RANBP9: variants seen among roughly 807,000 people sequenced by gnomAD.
The protein encoded by RANBP9 is ran-binding protein 9.
In RANBP9, 15 loss-of-function variants were observed where a neutral mutation model predicts 84.3. The observed-to-expected ratio is 0.18, with a 90% CI of 0.12 to 0.27. The LOEUF (loss-of-function observed/expected upper bound fraction) is 0.27, where lower values mean the gene tolerates loss of function less well. RANBP9 is among the 10% of genes least tolerant of loss of function. The probability of loss-of-function intolerance (pLI) is 1.00; values close to 1 mark genes in which losing one functional copy is unlikely to be tolerated. For missense variants in RANBP9, 809 were observed against 912.8 expected (o/e 0.89, Z 1.46); for synonymous variants, 392 against 349.6 (o/e 1.12, Z -1.35).
chr6:13,700,264 C>T (rs995288285), intron 1 of RANBP9, among the ~76,000 whole-genome samples: 12 of 152,128 alleles, frequency 7.9e-5, no homozygotes, highest in African/African-American at 2.4e-4. Context: ...ATAAATCAGC[C>T]GTCCTTCTAT....
At chr6:13,650,885 G>A (rs1765281089) in intron 5 of RANBP9, among the ~76,000 whole-genome samples, 1 of 152,038 alleles carries the variant, frequency 6.6e-6, no homozygotes, top group African/African-American at 2.4e-5. Flanking sequence ...GATCCCTTGA[G>A]CCTGGGAAGC....
At chr6:13,686,199 G>A (rs369336634) in intron 2 of RANBP9, among the ~76,000 whole-genome samples, 1 of 142,880 alleles carries the variant, frequency 7.0e-6, no homozygotes, top group Non-Finnish European at 1.5e-5. Context: ...TGACCTCCTG[G>A]GCTCAAGCGA....
chr6:13,679,815 A>G (rs1223821169), intron 2 of RANBP9, among the ~76,000 whole-genome samples: 1 of 152,148 alleles, frequency 6.6e-6, no homozygotes, highest in African/African-American at 2.4e-5. Context: ...GATGCGTTTT[A>G]CTGTTTTGTT....
chr6:13,688,416 T>C (rs1445384981), intron 2 of RANBP9, among the ~76,000 whole-genome samples: 1 of 152,208 alleles, frequency 6.6e-6, no homozygotes, highest in Non-Finnish European at 1.5e-5. Flanking sequence ...CCACCCTGTC[T>C]TCCAACAGTG....
At chr6:13,661,585 TA>T (rs1765539195) in intron 2 of RANBP9, among the ~76,000 whole-genome samples, 1 of 151,936 alleles carries the variant, frequency 6.6e-6, no homozygotes, top group Admixed American at 6.6e-5. Flanking sequence ...AGTATGATTT[TA>T]AAAAAACATA....
At chr6:13,631,530 C>T (rs1350828233) in intron 12 of RANBP9, among the ~76,000 whole-genome samples, 2 of 152,164 alleles carry the variant, frequency 1.3e-5, no homozygotes, top group East Asian at 3.9e-4. Context: ...ACTAGGGATA[C>T]TCAACCTGTA....
At chr6:13,692,831 C>A (rs1197604234) in intron 2 of RANBP9, among the ~76,000 whole-genome samples, 2 of 152,150 alleles carry the variant, frequency 1.3e-5, no homozygotes, top group Admixed American at 1.3e-4. Context: ...CCAGCCTGGG[C>A]AACAGAGCAA....
In RANBP9 at chr6:13,657,167, G is replaced by T; in HGVS notation, c.846C>A (p.Gly282=). Residue 282 remains glycine (G), a synonymous_variant, in exon 4 of 14, where the codon GGC becomes GGA. Coordinates refer to ENST00000011619, the MANE Select transcript of RANBP9 (RefSeq NM_005493.3). ...TATTGTTGATAAGATTAACACAACA[G>T]CCAATGACATCACCAGTAGTGAAAG... The part of the protein sequence containing the change: ...GPTFTTGDVI[G]CCVNLINNTC... 1 of 1,612,896 alleles carries T rather than the reference G, an allele frequency of 6.2e-7. No homozygotes were observed. The highest frequency in any genetic ancestry group is 8.5e-7 in the Non-Finnish European group (1 of 1,179,350).
intron 1 of RANBP9, among the ~76,000 whole-genome samples, chr6:13,702,142 A>G (rs1261412679): frequency 6.6e-6 from 1 of 152,178 alleles, no homozygotes; most frequent in Non-Finnish European, 1.5e-5. Flanking sequence ...ATAATTTTTT[A>G]CCTTAAAAGT....
intron 1 of RANBP9, among the ~76,000 whole-genome samples, chr6:13,705,817 C>T (rs978649258): frequency 1.4e-5 from 2 of 144,650 alleles, no homozygotes; most frequent in African/African-American, 2.6e-5. Context: ...GAGCGGAGAT[C>T]GCGCCACTGC....
chr6:13,657,231 G>GA lies in RANBP9; in HGVS notation c.781dup (p.Ser261PhefsTer19). On this transcript the variant is annotated frameshift_variant, in exon 4 of 14. Transcript: ENST00000011619. LOFTEE classifies it high-confidence loss of function. The stretch of plus-strand genomic sequence containing the variant: ...TTGTCCAGTTCCAGAAGAACAAAAC[G>GA]AATGTCCATCATCCCCATGGTAACC... 1 of 1,613,428 alleles carries GA rather than the reference G, an allele frequency of 6.2e-7. No individual in the cohort carries two copies. The highest frequency in any genetic ancestry group is 8.5e-7 in the Non-Finnish European group (1 of 1,179,608).
intron 2 of RANBP9, among the ~76,000 whole-genome samples, chr6:13,689,564 A>C (rs1766277067): frequency 6.6e-6 from 1 of 152,262 alleles, no homozygotes. Flanking sequence ...ATGAGCCACC[A>C]CACTCAGCCT....
rs994125438 is a variant in RANBP9, at chr6:13,697,051, G to T, written c.572-155C>A. 2.0e-5 allele frequency among the ~76,000 whole-genome samples: 3 copies of T among 152,166 alleles called. No individual in the cohort carries two copies. In the East Asian group the frequency reaches 5.8e-4, roughly 29 times the overall value. ...TCAATAAAACGTTTATCATCACCAT[G>T]AACCCAATATGCAAAATAGCCCAAG... On this transcript the variant is annotated intron_variant, in intron 1 of 13. Coordinates refer to ENST00000011619, the MANE Select transcript of RANBP9 (RefSeq NM_005493.3).
intron 1 of RANBP9, among the ~76,000 whole-genome samples, chr6:13,701,845 T>C (rs1254132327): frequency 6.6e-6 from 1 of 152,064 alleles, no homozygotes; most frequent in Non-Finnish European, 1.5e-5. Flanking sequence ...ACTCTTTTAT[T>C]ACAAAGTGAT....
chr6:13,653,278 G>C (rs1368706128), intron 4 of RANBP9, among the ~76,000 whole-genome samples: 2 of 152,056 alleles, frequency 1.3e-5, no homozygotes, highest in Non-Finnish European at 2.9e-5. Context: ...AATTTCTCTT[G>C]AATACCTTTT....
chr6:13,663,012 A>C (rs559091016), intron 2 of RANBP9, among the ~76,000 whole-genome samples: 72 of 152,318 alleles, frequency 4.7e-4, no homozygotes, highest in African/African-American at 1.6e-3. Flanking sequence ...AGGACAGAAA[A>C]GAAATTGAAA....
At chr6:13,680,356 A>G (rs1766005852) in intron 2 of RANBP9, among the ~76,000 whole-genome samples, 1 of 152,210 alleles carries the variant, frequency 6.6e-6, no homozygotes, top group East Asian at 1.9e-4. Context: ...CTTTAAAGAA[A>G]AAGAAAAATC....
intron 12 of RANBP9, among the ~76,000 whole-genome samples, chr6:13,627,863 C>T (rs1764661984): frequency 1.3e-5 from 2 of 152,104 alleles, no homozygotes; most frequent in Non-Finnish European, 1.5e-5. Flanking sequence ...AAATGTCGCA[C>T]TCCCAAATCT....
intron 10 of RANBP9, 125 bp downstream of exon 10, chr6:13,637,683 G>C: frequency 2.1e-6 from 2 of 941,678 alleles, no homozygotes. Context: ...TTATTCTCTG[G>C]GGGCTTAAGA....
Sources: allele counts gnomAD v4.1 joint callset (sites outside exome capture counted in the v4.1 genomes callset), GRCh38; gene constraint gnomAD v4.1.1; transcripts MANE v1.5; gene names NCBI Gene and HGNC (gene_info 2026-07-23, HGNC 2026-07-21).